The following NUP98 variants were observed in gnomAD, a reference collection of about 807,000 sequenced individuals.
NUP98 encodes the protein nucleoporin 98 and 96 precursor, also known as nuclear pore complex protein Nup98-Nup96.
Under a neutral mutation model 191.9 loss-of-function variants are expected in NUP98, and 26 were observed. The ratio of observed to expected loss-of-function variants is 0.14; its 90% CI spans 0.10 to 0.19. The LOEUF is 0.19. Ranked by LOEUF, NUP98 falls within the 10% of genes least tolerant of loss-of-function variation. The pLI is 1.00. For synonymous variants in NUP98, 808 were observed against 778.4 expected, an observed-to-expected ratio of 1.04 and a Z score of -0.63; for missense variants, 1,941 against 2,178.8, an observed-to-expected ratio of 0.89 and a Z score of 2.17.
intron 12 of NUP98, among the ~76,000 whole-genome samples, chr11:3,743,970 A>G (rs2080392027): frequency 6.6e-6 from 1 of 152,140 alleles, no homozygotes; most frequent in African/African-American, 2.4e-5. Context: ...GAGGCAGAAG[A>G]ATCACTTGAA....
intron 25 of NUP98, among the ~76,000 whole-genome samples, chr11:3,698,653 G>A (rs1340754903): frequency 2.0e-5 from 3 of 149,490 alleles, no homozygotes; most frequent in Non-Finnish European, 4.4e-5. Flanking sequence ...CTTGAACCCA[G>A]GAGGAGGAGG....
chr11:3,796,843 C>A (rs1405570396), intron 1 of NUP98, among the ~76,000 whole-genome samples: 1 of 152,204 alleles, frequency 6.6e-6, no homozygotes, highest in East Asian at 1.9e-4. Context: ...AATCTGTCTC[C>A]TCATCTGGCT....
At position 3,723,349 on chromosome 11, in the gene NUP98, G is replaced by A. The variant is rs770056961; in HGVS notation, c.1954C>T (p.Gln652Ter). 1 of 1,614,092 alleles carries A rather than the reference G, an allele frequency of 6.2e-7. No homozygotes were observed. The highest frequency in any genetic ancestry group is 8.5e-7 in the Non-Finnish European group (1 of 1,180,004). The change falls in exon 16 of 33, where the codon CAA becomes TAA. Residue 652 changes from glutamine to a stop codon, truncating the protein, a stop_gained. Transcript: ENST00000324932. LOFTEE classifies it high-confidence loss of function. ...YTNPIAKPIP[Q>*]TPESAGNKHS... is the part of the protein sequence containing the mutation. ...TTATTTCCAGCACTTTCTGGGGTTT[G>A]AGGAATAGGTTTGGCAATAGGGTTA...
chr11:3,744,722 A>G, intron 11 of NUP98, 73 bp from the exon 12 acceptor site: 1 of 1,511,158 alleles, frequency 6.6e-7, no homozygotes, highest in South Asian at 1.3e-5. Context: ...TCAGTTACTT[A>G]AAAATATAAT....
chr11:3,765,473 G>C (rs559243718), intron 8 of NUP98, among the ~76,000 whole-genome samples: 1 of 152,256 alleles, frequency 6.6e-6, no homozygotes, highest in African/African-American at 2.4e-5. Context: ...TCTTCTAACA[G>C]TTTTATAATT....
chr11:3,749,557 G>A lies in NUP98; in HGVS notation c.1267+3759C>T, dbSNP rs144506837. Among the ~76,000 whole-genome samples, 1,093 of 152,208 alleles carry A rather than the reference G, an allele frequency of 7.2e-3. 2 individuals carry two copies. Among genetic ancestry groups the A allele is most frequent in the Admixed American group, 0.015 (234 of 15,290 alleles). On this transcript the variant is annotated intron_variant, in intron 11 of 32. Transcript: ENST00000324932. ...GGAGAATCACTTGAACCCAGGAGGC[G>A]GAGGTTGCCATGAGCTGAGATCACA...
intron 1 of NUP98, among the ~76,000 whole-genome samples, chr11:3,784,407 C>A (rs1027531381): frequency 6.6e-6 from 1 of 151,994 alleles, no homozygotes; most frequent in African/African-American, 2.4e-5. Context: ...CTCACTAAAA[C>A]CAGTGGTTCT....
intron 4 of NUP98, among the ~76,000 whole-genome samples, chr11:3,776,819 G>T (rs150148318): frequency 2.6e-5 from 4 of 151,884 alleles, no homozygotes; most frequent in Non-Finnish European, 4.4e-5. Context: ...AGAAAGATAC[G>T]TACTTCCAGG....
intron 19 of NUP98, among the ~76,000 whole-genome samples, chr11:3,713,533 A>T (rs1045455124): frequency 2.6e-5 from 4 of 152,186 alleles, no homozygotes; most frequent in African/African-American, 9.7e-5. Context: ...AGCCTGGTCA[A>T]CACTGAGAAA....
intron 1 of NUP98, among the ~76,000 whole-genome samples, chr11:3,789,919 G>A (rs984255438): frequency 1.3e-5 from 2 of 152,028 alleles, no homozygotes; most frequent in Non-Finnish European, 2.9e-5. Context: ...CGAGAAGATG[G>A]GACTACAGGC....
Position 3,679,802 on chromosome 11 carries a change from A to G in NUP98, c.4919-94T>C, listed in dbSNP as rs2077932543. The G allele has an allele frequency of 6.3e-6, 8 of 1,276,776 alleles. No homozygotes were observed. The Admixed American group carries it at 7.3e-5, about 12-fold the overall frequency. The allele number at this position is 1,276,776 out of a possible 1,614,324, so 79.1% of individuals were successfully genotyped here. ...GCAGGAAGACAGAAAGGAAGGAGAA[A>G]TAATGTTGGCTGGACTTCAGAAGTA... On this transcript the variant is annotated intron_variant, in intron 30 of 32. Coordinates refer to ENST00000324932, the MANE Select transcript of NUP98 (RefSeq NM_016320.5).
intron 12 of NUP98, among the ~76,000 whole-genome samples, chr11:3,742,514 A>AT (rs1255763747): frequency 2.6e-5 from 4 of 152,198 alleles, no homozygotes; most frequent in African/African-American, 9.6e-5. Flanking sequence ...CAGCCTGGCC[A>AT]ACATGGTAAA....
chr11:3,736,857 G>C (rs1001847615), intron 12 of NUP98, among the ~76,000 whole-genome samples: 2 of 151,960 alleles, frequency 1.3e-5, no homozygotes, highest in African/African-American at 4.8e-5. Flanking sequence ...AAATGCTTAG[G>C]CTATCCTTAT....
rs1317770096 is a variant in NUP98, at chr11:3,731,510, G to T, written c.1611C>A (p.Pro537=). 1.9e-6 allele frequency: 3 copies of T among 1,608,222 alleles called. No homozygotes were observed. In the Admixed American group the frequency reaches 5.0e-5, roughly 27 times the overall value. The change falls in exon 14 of 33, where the codon CCC becomes CCA. Residue 537 remains proline (P), a synonymous_variant. Transcript: ENST00000324932. Reference sequence around the variant, plus strand: ...TTGGCCGGACTCTAGTGGCAGGGCGGGGTGTCAGTTTATAATGAGTAGGTG... The same window carrying T: ...TTGGCCGGACTCTAGTGGCAGGGCGTGGTGTCAGTTTATAATGAGTAGGTG... ...LTTPTHYKLT[P]RPATRVRPKA...
chr11:3,753,134 A>C (rs1201566015), intron 11 of NUP98, among the ~76,000 whole-genome samples, 182 bp downstream of exon 11: 4 of 152,212 alleles, frequency 2.6e-5, no homozygotes, highest in Non-Finnish European at 5.9e-5. Context: ...TCTAACACAA[A>C]CATGCCAATA....
chr11:3,788,984 CATT>C (rs1465351581), intron 1 of NUP98, among the ~76,000 whole-genome samples: 1 of 152,072 alleles, frequency 6.6e-6, no homozygotes, highest in Non-Finnish European at 1.5e-5. Context: ...CAGTTACCAT[CATT>C]GACTCTTAAA....
At chr11:3,775,643 A>G (rs1226344459) in intron 5 of NUP98, among the ~76,000 whole-genome samples, 3 of 152,220 alleles carry the variant, frequency 2.0e-5, no homozygotes, top group Non-Finnish European at 2.9e-5. Context: ...AGATTATAAT[A>G]AAGTTTTATG....
intron 9 of NUP98, among the ~76,000 whole-genome samples, chr11:3,761,903 C>T (rs2081184616): frequency 6.6e-6 from 1 of 152,106 alleles, no homozygotes; most frequent in South Asian, 2.1e-4. Context: ...GAGATCATGC[C>T]ACTGCAGTAC....
chr11:3,756,805 C>T (rs898421805), intron 10 of NUP98, among the ~76,000 whole-genome samples: 2 of 152,010 alleles, frequency 1.3e-5, no homozygotes, highest in East Asian at 1.9e-4. Context: ...AAAATTTTGT[C>T]GGCTGGGCGC....
Sources: gnomAD v4.1 joint callset for allele counts (sites outside exome capture counted in the v4.1 genomes callset) on GRCh38, gnomAD v4.1.1 for gene constraint, MANE v1.5 for transcripts, NCBI Gene and HGNC (gene_info 2026-07-23, HGNC 2026-07-21) for gene names.